Variants in SOX5 observed in about 807,000 individuals in gnomAD.
SOX5 encodes SRY-box transcription factor 5.
SOX5 carries 9 observed loss-of-function variants against 92.0 expected under a neutral mutation model. That is an observed-to-expected ratio of 0.10 (90% CI 0.06 to 0.17). SOX5 has a LOEUF of 0.17. Among genes scored for constraint, SOX5 ranks in the 10% least tolerant of loss-of-function variants. The pLI, the probability that SOX5 is intolerant of heterozygous loss-of-function variation, is 1.00. For missense variants in SOX5, 642 were observed against 944.5 expected, an observed-to-expected ratio of 0.68 and a Z score of 4.20; for synonymous variants, 344 against 336.3, an observed-to-expected ratio of 1.02 and a Z score of -0.25.
In SOX5 at chr12:23,536,699, T is replaced by C. The variant is rs1591834181; in HGVS notation, c.1772-30A>G. The C allele has an allele frequency of 2.0e-6, 3 of 1,522,360 alleles. No individual in the cohort carries two copies. The South Asian group carries it at 3.4e-5, about 17-fold the overall frequency. The allele number at this position is 1,522,360 out of a possible 1,614,324, so 94.3% of individuals were successfully genotyped here. A position where few individuals can be genotyped will look rare whatever the true frequency, so the allele number is the denominator to read the frequency against. On this transcript the variant is annotated intron_variant, in intron 13 of 14. Coordinates refer to ENST00000451604, the MANE Select transcript of SOX5 (RefSeq NM_006940.6). ...GAAGAAAGGAGGTTAGGATTCCAAT[T>C]TGCACAGCTTCTAAGCATTCCAGAA... is the stretch of plus-strand genomic sequence containing the variant.
intron 4 of SOX5, among the ~76,000 whole-genome samples, chr12:24,082,411 A>G (rs1250841755): frequency 1.4e-5 from 2 of 146,174 alleles, no homozygotes; most frequent in African/African-American, 2.5e-5. Flanking sequence ...AAAGAAAAAA[A>G]AAAAAAAAAA....
intron 1 of SOX5, among the ~76,000 whole-genome samples, chr12:23,949,140 C>A (rs894289043): frequency 6.6e-6 from 1 of 152,064 alleles, no homozygotes; most frequent in Non-Finnish European, 1.5e-5. Context: ...TTTAAAGCAC[C>A]ACTAAAACCT....
At chr12:23,658,866 C>T (rs751220496) in intron 7 of SOX5, among the ~76,000 whole-genome samples, 1 of 152,162 alleles carries the variant, frequency 6.6e-6, no homozygotes, top group African/African-American at 2.4e-5. Flanking sequence ...GCACTCCAGC[C>T]TGGGCAACAG....
chr12:24,414,523 T>A (rs1464044334), intron 1 of SOX5, among the ~76,000 whole-genome samples: 1 of 152,228 alleles, frequency 6.6e-6, no homozygotes, highest in Non-Finnish European at 1.5e-5. Flanking sequence ...TCAAATGCCC[T>A]TCCATTCCAG....
At chr12:24,466,548 G>A (rs1944255408) in intron 1 of SOX5, among the ~76,000 whole-genome samples, 1 of 152,140 alleles carries the variant, frequency 6.6e-6, no homozygotes, top group African/African-American at 2.4e-5. Context: ...TTCTATTTAG[G>A]GGTCCAGACA....
chr12:23,812,940 C>T (rs931954657), intron 3 of SOX5, among the ~76,000 whole-genome samples: 1 of 152,132 alleles, frequency 6.6e-6, no homozygotes, highest in East Asian at 1.9e-4. Context: ...ACTAAAATTG[C>T]TAAATGATAG....
At chr12:24,216,402 T>G (rs1009932324) in intron 3 of SOX5, among the ~76,000 whole-genome samples, 5 of 152,036 alleles carry the variant, frequency 3.3e-5, no homozygotes, top group African/African-American at 7.2e-5. Context: ...GAGAATGGCG[T>G]GAACCCGGGA....
chr12:24,225,837 A>G (rs1429120534), intron 3 of SOX5, among the ~76,000 whole-genome samples: 1 of 152,264 alleles, frequency 6.6e-6, no homozygotes, highest in African/African-American at 2.4e-5. Flanking sequence ...TAATTGTAAA[A>G]GTAGAAAAAA....
At chr12:23,951,594 AGTT>A (rs888242113), upstream of SOX5, among the ~76,000 whole-genome samples, 97 of 152,274 alleles carry the variant, frequency 6.4e-4, no homozygotes, top group Middle Eastern at 6.8e-3. Context: ...TTTTTAGACA[AGTT>A]GATAATAACT....
At chr12:23,870,820 G>GT (rs2096864505) in intron 2 of SOX5, among the ~76,000 whole-genome samples, 1 of 151,992 alleles carries the variant, frequency 6.6e-6, no homozygotes, top group Non-Finnish European at 1.5e-5. Context: ...GATCGTTCAA[G>GT]TTTTTTTCAC....
intron 2 of SOX5, among the ~76,000 whole-genome samples, chr12:24,294,089 C>G (rs1320693404): frequency 2.0e-5 from 3 of 152,176 alleles, no homozygotes; most frequent in Non-Finnish European, 4.4e-5. Context: ...TTCGTAAGTG[C>G]AGATTCAAAA....
At chr12:24,082,175 C>T (rs1943419800) in intron 4 of SOX5, among the ~76,000 whole-genome samples, 2 of 151,554 alleles carry the variant, frequency 1.3e-5, no homozygotes, top group Admixed American at 1.3e-4. Flanking sequence ...CATGACGGAG[C>T]GTACAACTCA....
chr12:24,223,445 G>A (rs1961013465), intron 3 of SOX5: 1 of 152,158 alleles, frequency 6.6e-6, no homozygotes, highest in Non-Finnish European at 1.5e-5. Flanking sequence ...ATACAAGTGA[G>A]GTATTTACAT....
chr12:24,151,340 T>C (rs1171350836), intron 4 of SOX5, among the ~76,000 whole-genome samples: 1 of 152,128 alleles, frequency 6.6e-6, no homozygotes, highest in African/African-American at 2.4e-5. Context: ...ATAATGAATG[T>C]ATATTTCATG....
intron 1 of SOX5, among the ~76,000 whole-genome samples, chr12:24,374,519 AC>A (rs1194661225): frequency 8.9e-6 from 1 of 112,428 alleles, no homozygotes; most frequent in Non-Finnish European, 1.9e-5. Flanking sequence ...ACACACATAC[AC>A]ACACACACAC....
chr12:23,791,003 C>T (rs1362692731), intron 3 of SOX5, among the ~76,000 whole-genome samples: 1 of 152,190 alleles, frequency 6.6e-6, no homozygotes, highest in Non-Finnish European at 1.5e-5. Context: ...CAATGTCCCT[C>T]ATCTCAGTAA....
At chr12:24,469,481 C>T (rs1023034554) in intron 1 of SOX5, among the ~76,000 whole-genome samples, 1 of 152,176 alleles carries the variant, frequency 6.6e-6, no homozygotes, top group Admixed American at 6.5e-5. Flanking sequence ...GGGTTTCTCT[C>T]CCTTTTGTAT....
intron 3 of SOX5, among the ~76,000 whole-genome samples, chr12:23,770,919 C>T (rs923598688): frequency 6.7e-6 from 1 of 149,182 alleles, no homozygotes; most frequent in East Asian, 1.9e-4. Flanking sequence ...AAGCTAAATA[C>T]ATAACAGGTT....
chr12:23,680,644 A>G (rs1421626754), intron 6 of SOX5, among the ~76,000 whole-genome samples: 1 of 152,058 alleles, frequency 6.6e-6, no homozygotes, highest in Non-Finnish European at 1.5e-5. Flanking sequence ...ATAGGCCCAT[A>G]AATGTAATGG....
Sources: allele counts gnomAD v4.1 joint callset (sites outside exome capture counted in the v4.1 genomes callset), GRCh38; gene constraint gnomAD v4.1.1; transcripts MANE v1.5; gene names NCBI Gene and HGNC (gene_info 2026-07-23, HGNC 2026-07-21).